Variants in HBS1L observed in about 807,000 individuals in gnomAD.
HBS1L encodes the protein HBS1-like protein.
Under a neutral mutation model 88.9 loss-of-function variants are expected in HBS1L, and 55 were observed. That is an observed-to-expected ratio of 0.62 (90% CI 0.50 to 0.77). The LOEUF (loss-of-function observed/expected upper bound fraction) is 0.77, where lower values mean the gene tolerates loss of function less well. HBS1L is among the 30% of genes least tolerant of loss of function. The pLI is 0.00. For synonymous variants in HBS1L, 267 were observed against 288.5 expected (o/e 0.93, Z 0.76); for missense variants, 741 against 829.3 (o/e 0.89, Z 1.31).
intron 17 of HBS1L, among the ~76,000 whole-genome samples, chr6:134,965,594 G>A (rs1290840827): frequency 1.3e-5 from 2 of 152,154 alleles, no homozygotes; most frequent in South Asian, 4.1e-4. Flanking sequence ...TTTATGTGCT[G>A]AGTGCTTTGC....
intron 1 of HBS1L, among the ~76,000 whole-genome samples, chr6:135,050,913 C>T (rs1777060788): frequency 6.6e-6 from 1 of 152,162 alleles, no homozygotes; most frequent in Admixed American, 6.5e-5. Context: ...CTCATAGGAT[C>T]AAATACAATA....
At position 134,996,759 on chromosome 6, in the gene HBS1L, T is replaced by C; in HGVS notation, c.965+18A>G. On this transcript the variant is annotated intron_variant, in intron 7 of 17. Transcript: ENST00000367837. ...ACTGTATGATTTCAAACTGAAAATT[T>C]TGAAATATAGTGACTACCTTTCCCT... 5.2e-6 allele frequency: 8 copies of C among 1,552,466 alleles called. No homozygotes were observed. Among genetic ancestry groups the C allele is most frequent in the South Asian group, 2.5e-5 (2 of 80,374 alleles).
At chr6:134,973,138 T>C (rs942289166) in intron 15 of HBS1L, among the ~76,000 whole-genome samples, 6 of 152,228 alleles carry the variant, frequency 3.9e-5, no homozygotes, top group African/African-American at 1.2e-4. Context: ...TAGATACTTG[T>C]ACACCCGTTT....
At chr6:135,021,920 G>A (rs1776082368) in intron 4 of HBS1L, among the ~76,000 whole-genome samples, 1 of 152,078 alleles carries the variant, frequency 6.6e-6, no homozygotes, top group Non-Finnish European at 1.5e-5. Context: ...CCCCTTGAGA[G>A]GTAGCTCCCA....
In HBS1L at chr6:135,001,036, C is replaced by A. The variant is rs963421015; in HGVS notation, c.539+1698G>T. 9.2e-5 allele frequency among the ~76,000 whole-genome samples: 14 copies of A among 151,982 alleles called. 1 individual carries two copies. The East Asian group carries it at 2.7e-3, about 29-fold the overall frequency. ...GAGTATTTCGATCTATAACTACAGA[C>A]CTTTCACATTCTAATGACTTCTCCC... On this transcript the variant is annotated intron_variant, in intron 5 of 17. Transcript: ENST00000367837.
intron 4 of HBS1L, chr6:135,038,005 T>C (rs1315044353): frequency 6.6e-7 from 1 of 1,517,086 alleles, no homozygotes; most frequent in African/African-American, 1.4e-5. Flanking sequence ...AGCTGAAACT[T>C]CAGAAGAAGA....
intron 2 of HBS1L, among the ~76,000 whole-genome samples, chr6:135,044,249 TTAAGA>T (rs1490147002): frequency 1.3e-5 from 2 of 152,212 alleles, no homozygotes; most frequent in East Asian, 3.8e-4. Flanking sequence ...AGCATTTTTA[TTAAGA>T]TAATTATTTC....
chr6:134,988,544 G>GA (rs1356198999), intron 8 of HBS1L, among the ~76,000 whole-genome samples: 1 of 150,898 alleles, frequency 6.6e-6, no homozygotes, highest in Admixed American at 6.6e-5. Context: ...TGGTCAACAT[G>GA]AAAAAAATTC....
At chr6:134,969,708 T>C (rs537738102) in intron 15 of HBS1L, among the ~76,000 whole-genome samples, 7 of 152,290 alleles carry the variant, frequency 4.6e-5, no homozygotes, top group African/African-American at 1.7e-4. Context: ...TTATTACAAG[T>C]AGTAGTAGGG....
At chr6:135,015,305 CAT>C (rs1211386854) in intron 4 of HBS1L, among the ~76,000 whole-genome samples, 3 of 152,150 alleles carry the variant, frequency 2.0e-5, no homozygotes, top group Non-Finnish European at 2.9e-5. Context: ...GTTGGAGAGC[CAT>C]ATGTTAGAGG....
rs945921338 is a variant in HBS1L, at chr6:134,961,806, G to A, written c.*3473C>T. ...TGAGAAGCACCCATAGACCCCAGTGGTGTGCAGTCTCTCTTGCTGCAGCAA... is the reference window on the plus strand; with the variant it reads ...TGAGAAGCACCCATAGACCCCAGTGATGTGCAGTCTCTCTTGCTGCAGCAA... On this transcript the variant is annotated 3_prime_UTR_variant, in exon 18 of 18. Coordinates refer to ENST00000367837, the MANE Select transcript of HBS1L (RefSeq NM_006620.4). 1.3e-5 allele frequency: 2 copies of A among 152,048 alleles called. No homozygotes were observed. Among genetic ancestry groups the A allele is most frequent in the Non-Finnish European group, 2.9e-5 (2 of 68,008 alleles). The allele number at this position is 152,048 out of a possible 1,614,324, so 9.4% of individuals were successfully genotyped here. A position where few individuals can be genotyped will look rare whatever the true frequency, so the allele number is the denominator to read the frequency against.
intron 17 of HBS1L, 122 bp downstream of exon 17, chr6:134,966,207 G>C (rs986042439): frequency 3.7e-6 from 3 of 811,712 alleles, no homozygotes; most frequent in African/African-American, 3.5e-5. Flanking sequence ...AAATGAGTAA[G>C]GCTTCTCCTA....
In HBS1L at chr6:134,978,803, A is replaced by C; in HGVS notation, c.1689-16T>G. On this transcript the variant is annotated splice_polypyrimidine_tract_variant and intron_variant, in intron 14 of 17. Transcript: ENST00000367837. Reference sequence around the variant, plus strand: ...GCAGCCAACACTGTAAGAACAACAAAAAAAGAGGAAAGGTAATTGGGGGAC... The same window carrying C: ...GCAGCCAACACTGTAAGAACAACAACAAAAGAGGAAAGGTAATTGGGGGAC... The C allele has an allele frequency of 6.7e-7, 1 of 1,493,094 alleles. No homozygotes were observed. Among genetic ancestry groups the C allele is most frequent in the Non-Finnish European group, 9.2e-7 (1 of 1,088,366 alleles). 92.5% of individuals were successfully genotyped at this position (1,493,094 alleles called of 1,614,324 possible). A position where few individuals can be genotyped will look rare whatever the true frequency, so the allele number is the denominator to read the frequency against.
rs750152197 is a variant in HBS1L, at chr6:134,966,420, AT to A, written c.1951del (p.Ile651Ter). 1 of 1,612,362 alleles carries A rather than the reference AT, an allele frequency of 6.2e-7. No homozygotes were observed. Among genetic ancestry groups the A allele is most frequent in the Non-Finnish European group, 8.5e-7 (1 of 1,178,782 alleles). On this transcript the variant is annotated frameshift_variant, in exon 17 of 18. Transcript: ENST00000367837. LOFTEE classifies it high-confidence loss of function. ...AAAGTCTTTATATAGCTCAAGAGCT[AT>A]TGGTCTTTGTGTCTGTAGCTCTACC... ...ALVELQTQRP[I>X]ALELYKDFKE...
intron 7 of HBS1L, 47 bp downstream of exon 7, chr6:134,996,730 G>T: frequency 7.3e-7 from 1 of 1,368,778 alleles, no homozygotes; most frequent in Non-Finnish European, 9.9e-7. Context: ...ACTTATTTTA[G>T]AAGACTGTAT....
At chr6:135,036,260 G>C in intron 4 of HBS1L, 1 of 972,854 alleles carries the variant, frequency 1.0e-6, no homozygotes, top group Non-Finnish European at 1.2e-6. Flanking sequence ...AAAAAACATA[G>C]AAAGTTGAAT....
chr6:135,010,724 T>TG lies in HBS1L; in HGVS notation c.431-7883dup, dbSNP rs530791297. Among the ~76,000 whole-genome samples, 224 of 152,176 alleles carry TG rather than the reference T, an allele frequency of 1.5e-3. 1 individual carries two copies. In the Middle Eastern group the frequency reaches 0.017, roughly 12 times the overall value. On this transcript the variant is annotated intron_variant, in intron 4 of 17. Coordinates refer to ENST00000367837, the MANE Select transcript of HBS1L (RefSeq NM_006620.4). ...TAGAACAAATCCAATGGGACTATTTTGGGGGGGAAAATGCCAAGTTGATGT... is the reference window on the plus strand; with the variant it reads ...TAGAACAAATCCAATGGGACTATTTTGGGGGGGGAAAATGCCAAGTTGATGT...
intron 15 of HBS1L, among the ~76,000 whole-genome samples, chr6:134,971,624 C>T (rs941270904): frequency 2.0e-5 from 3 of 151,934 alleles, no homozygotes; most frequent in Admixed American, 6.5e-5. Context: ...AATTATCACA[C>T]GAAAATAACA....
chr6:134,993,397 G>C (rs1305109588), intron 8 of HBS1L, among the ~76,000 whole-genome samples: 1 of 151,970 alleles, frequency 6.6e-6, no homozygotes, highest in Admixed American at 6.6e-5. Context: ...TCTTTAAAAA[G>C]ATATAGAACT....
Sources: gnomAD v4.1 joint callset for allele counts (sites outside exome capture counted in the v4.1 genomes callset) on GRCh38, gnomAD v4.1.1 for gene constraint, MANE v1.5 for transcripts, NCBI Gene and HGNC (gene_info 2026-07-23, HGNC 2026-07-21) for gene names.